The following SLC35F3 variants were observed in gnomAD, a reference collection of about 807,000 sequenced individuals.
SLC35F3 encodes putative thiamine transporter SLC35F3.
SLC35F3 carries 25 observed loss-of-function variants against 49.9 expected under a neutral mutation model. That is an observed-to-expected ratio of 0.50 (90% CI 0.37 to 0.70). The LOEUF is 0.70. SLC35F3 is among the 30% of genes least tolerant of loss of function. The pLI is 0.00. For synonymous variants in SLC35F3, 275 were observed against 265.4 expected, an observed-to-expected ratio of 1.04 and a Z score of -0.35; for missense variants, 525 against 639.8, an observed-to-expected ratio of 0.82 and a Z score of 1.94.
rs185858326 is a variant in SLC35F3 at position 234,050,641 on chromosome 1, A to C, written c.283+144883A>C. On this transcript the variant is annotated intron_variant, in intron 2 of 7. Coordinates refer to ENST00000366618, the MANE Select transcript of SLC35F3 (RefSeq NM_173508.4). ...TGCTGTGCAGAAGCTCTTTAGTTTA[A>C]TTAGATCCCATTTATCAATTTTGGC... Among the ~76,000 whole-genome samples, 7 of 152,296 alleles carry C rather than the reference A, an allele frequency of 4.6e-5. No individual in the cohort carries two copies. In the East Asian group the frequency reaches 1.2e-3, roughly 25 times the overall value.
chr1:233,925,520 A>G (rs1662142486), intron 2 of SLC35F3, among the ~76,000 whole-genome samples: 1 of 151,958 alleles, frequency 6.6e-6, no homozygotes, highest in Non-Finnish European at 1.5e-5. Context: ...TTTTGAGCCT[A>G]TGTGTGTCTG....
At chr1:234,170,314 A>T (rs529965609) in intron 2 of SLC35F3, among the ~76,000 whole-genome samples, 5 of 152,312 alleles carry the variant, frequency 3.3e-5, no homozygotes, top group African/African-American at 1.2e-4. Flanking sequence ...ACTTACTCGT[A>T]TGGAAAGGAG....
chr1:234,272,943 G>A (rs960903445), intron 3 of SLC35F3, among the ~76,000 whole-genome samples: 3 of 152,186 alleles, frequency 2.0e-5, no homozygotes, highest in Admixed American at 1.3e-4. Context: ...GGAAGCCCGC[G>A]CAGGACAGTC....
At chr1:233,915,760 G>A (rs903594683) in intron 2 of SLC35F3, among the ~76,000 whole-genome samples, 5 of 152,144 alleles carry the variant, frequency 3.3e-5, no homozygotes, top group Admixed American at 1.3e-4. Flanking sequence ...CATCTTACAT[G>A]GATGGCTGCA....
Position 234,214,420 on chromosome 1 carries a change from G to A in SLC35F3, c.284-16997G>A, listed in dbSNP as rs957664486. The A allele has an allele frequency of 9.6e-6, 14 of 1,453,592 alleles. No homozygotes were observed. Among genetic ancestry groups the A allele is most frequent in the Non-Finnish European group, 1.0e-5 (11 of 1,100,288 alleles). 90.0% of individuals were successfully genotyped at this position (1,453,592 alleles called of 1,614,324 possible). ...GCGGCAGAGGGCCGCGTCGGCCACG[G>A]GCCCGGGAGAGACGCGCTCCAGCCG... On this transcript the variant is annotated intron_variant, in intron 2 of 7. Transcript: ENST00000366618. The surrounding 1 kb of genome is among the most constrained non-coding windows in gnomAD (Gnocchi z 8.0).
At chr1:234,117,759 G>A (rs1346684709) in intron 2 of SLC35F3, among the ~76,000 whole-genome samples, 2 of 149,960 alleles carry the variant, frequency 1.3e-5, no homozygotes, top group African/African-American at 2.5e-5. Flanking sequence ...GGTGGTGGGC[G>A]CCTGTAATCC....
At chr1:234,051,435 C>A (rs112075384) in intron 2 of SLC35F3, among the ~76,000 whole-genome samples, 55 of 152,108 alleles carry the variant, frequency 3.6e-4, no homozygotes, top group Non-Finnish European at 6.9e-4. Flanking sequence ...ATTTGGCTCT[C>A]TGTTTGTCTG....
chr1:234,243,863 C>T (rs1349321766), intron 3 of SLC35F3, among the ~76,000 whole-genome samples: 1 of 152,224 alleles, frequency 6.6e-6, no homozygotes, highest in Non-Finnish European at 1.5e-5. Flanking sequence ...GACTTCCCTC[C>T]AAATGGCTAG....
intron 2 of SLC35F3, among the ~76,000 whole-genome samples, chr1:234,057,390 C>T (rs997000369): frequency 8.6e-5 from 13 of 151,598 alleles, no homozygotes; most frequent in African/African-American, 3.2e-4. Flanking sequence ...GAATTTATTC[C>T]ACAGTATTTT....
At chr1:234,244,186 A>G (rs1393497747) in intron 3 of SLC35F3, among the ~76,000 whole-genome samples, 2 of 152,218 alleles carry the variant, frequency 1.3e-5, no homozygotes, top group Non-Finnish European at 2.9e-5. Flanking sequence ...GCATACTTAG[A>G]TATCCTTATT....
chr1:234,005,766 G>A (rs1663620756), intron 2 of SLC35F3, among the ~76,000 whole-genome samples: 1 of 152,160 alleles, frequency 6.6e-6, no homozygotes, highest in Non-Finnish European at 1.5e-5. Flanking sequence ...CATCTCTAAA[G>A]CCCAGAGCCA....
rs1259997598 is a variant in SLC35F3 at position 233,957,391 on chromosome 1, C to A, written c.283+51633C>A. On this transcript the variant is annotated intron_variant, in intron 2 of 7. Transcript: ENST00000366618. This position sits in a 1 kb window ranked among gnomAD's most constrained non-coding sequence, Gnocchi z 4.0. ...CAGTTCATCAGGGTGTGGGCTCTGT[C>A]ACCTTTGTAGCCTCATTTATTCCAC... Among the ~76,000 whole-genome samples the A allele has an allele frequency of 6.6e-6, 1 of 152,228 alleles. No homozygotes were observed. The highest frequency in any genetic ancestry group is 1.5e-5 in the Non-Finnish European group (1 of 68,036).
At chr1:234,209,306 G>A (rs970943459) in intron 2 of SLC35F3, among the ~76,000 whole-genome samples, 3 of 151,832 alleles carry the variant, frequency 2.0e-5, no homozygotes, top group Admixed American at 2.0e-4. Context: ...TGGGGCTTGG[G>A]CAATTTTGTA....
At position 234,182,213 on chromosome 1, in the gene SLC35F3, C is replaced by T. The variant is rs555809210; in HGVS notation, c.284-49204C>T. 4.0e-4 allele frequency among the ~76,000 whole-genome samples: 61 copies of T among 152,278 alleles called. No individual in the cohort carries two copies. In the South Asian group the frequency reaches 9.3e-3, roughly 23 times the overall value. On this transcript the variant is annotated intron_variant, in intron 2 of 7. Transcript: ENST00000366618. ...TACAGTTATTATCCTTAATGATATT[C>T]CAATTGTCCCTTCATTGGCCAGAGC...
chr1:234,219,699 C>T (rs1274632904), intron 2 of SLC35F3, among the ~76,000 whole-genome samples: 1 of 152,222 alleles, frequency 6.6e-6, no homozygotes, highest in Non-Finnish European at 1.5e-5. Flanking sequence ...CCCCCTTCTT[C>T]GCCAAAATGA....
At chr1:234,304,045 CTTT>C (rs375538878) in intron 3 of SLC35F3, among the ~76,000 whole-genome samples, 50 of 16,376 alleles carry the variant, frequency 3.1e-3, no homozygotes, top group African/African-American at 0.02. Flanking sequence ...TTCCTTCCTT[CTTT>C]CTTTCCTTCC....
At chr1:234,292,759 G>T (rs147134173) in intron 3 of SLC35F3, among the ~76,000 whole-genome samples, 207 of 152,326 alleles carry the variant, frequency 1.4e-3, no homozygotes, top group Non-Finnish European at 2.5e-3. Flanking sequence ...CATGAACAGA[G>T]AGGAAGCATA....
At chr1:234,278,175 A>G (rs113627625) in intron 3 of SLC35F3, among the ~76,000 whole-genome samples, 9,183 of 152,100 alleles carry the variant, frequency 0.06, 328 homozygotes, top group African/African-American at 0.099. Flanking sequence ...TCTGGGCAAT[A>G]AAGCAAGACC....
chr1:233,952,709 C>T (rs1162607105), intron 2 of SLC35F3, among the ~76,000 whole-genome samples: 1 of 152,148 alleles, frequency 6.6e-6, no homozygotes, highest in Non-Finnish European at 1.5e-5. Flanking sequence ...ACTTTGAGAA[C>T]CATGCTTTCT....
Sources: allele counts gnomAD v4.1 joint callset (sites outside exome capture counted in the v4.1 genomes callset), GRCh38; gene constraint gnomAD v4.1.1; non-coding constraint Gnocchi (gnomAD v3.1); transcripts MANE v1.5; gene names NCBI Gene and HGNC (gene_info 2026-07-23, HGNC 2026-07-21).